HECW2: variants seen among roughly 807,000 people sequenced by gnomAD.
HECW2 encodes HECT, C2 and WW domain containing E3 ubiquitin protein ligase 2, also known as E3 ubiquitin-protein ligase HECW2.
HECW2 carries 61 observed loss-of-function variants against 175.2 expected under a neutral mutation model. The observed-to-expected ratio is 0.35, with a 90% CI of 0.28 to 0.43. The LOEUF (loss-of-function observed/expected upper bound fraction) is 0.43. HECW2 is among the 20% of genes least tolerant of loss of function. The pLI is 1.00. For synonymous variants in HECW2, 671 were observed against 731.0 expected (o/e 0.92, Z 1.32); for missense variants, 1,524 against 2,000.5 (o/e 0.76, Z 4.54).
intron 1 of HECW2, among the ~76,000 whole-genome samples, chr2:196,556,873 T>C (rs1559174285): frequency 6.6e-6 from 1 of 152,088 alleles, no homozygotes; most frequent in Non-Finnish European, 1.5e-5. Context: ...AAAAGGCAAA[T>C]TGAAAACTAT....
In HECW2 at chr2:196,343,715, A is replaced by G. The variant is rs771386239; in HGVS notation, c.342T>C (p.Thr114=). ...NFWDSKNRGV[T]GTQKGQIVWR... ...ATACAATTTGCCCTTTTTGTGTTCCAGTCACACCCCTGTTCTTAGAATCCC... is the reference window on the plus strand; with the variant it reads ...ATACAATTTGCCCTTTTTGTGTTCCGGTCACACCCCTGTTCTTAGAATCCC... The change falls in exon 3 of 29, where the codon ACT becomes ACC. Residue 114 remains threonine (T), a synonymous_variant. Coordinates refer to ENST00000644978, the MANE Select transcript of HECW2 (RefSeq NM_001348768.2). 1.2e-6 allele frequency: 2 copies of G among 1,613,968 alleles called. No individual in the cohort carries two copies. Among genetic ancestry groups the G allele is most frequent in the South Asian group, 2.2e-5 (2 of 91,074 alleles).
At chr2:196,325,201 G>A (rs760855395) in intron 5 of HECW2, 52 bp from the exon 6 acceptor site, 11 of 1,381,822 alleles carry the variant, frequency 8.0e-6, no homozygotes, top group African/African-American at 7.3e-5. Flanking sequence ...GCAGGAGGGA[G>A]GGAGGAAAGA....
At chr2:196,384,507 G>A (rs1447638176) in intron 2 of HECW2, among the ~76,000 whole-genome samples, 5 of 152,086 alleles carry the variant, frequency 3.3e-5, no homozygotes, top group South Asian at 4.2e-4. Context: ...ACTTGAGCCC[G>A]GGAGGCAGAT....
At chr2:196,572,075 G>C (rs928866347) in intron 1 of HECW2, among the ~76,000 whole-genome samples, 1 of 152,216 alleles carries the variant, frequency 6.6e-6, no homozygotes, top group Non-Finnish European at 1.5e-5. Flanking sequence ...GGTAGCAAGA[G>C]CAATCAGATT....
intron 13 of HECW2, among the ~76,000 whole-genome samples, chr2:196,299,886 G>A (rs1398748564): frequency 1.3e-5 from 2 of 151,506 alleles, no homozygotes; most frequent in Non-Finnish European, 2.9e-5. Flanking sequence ...CCGAGATGGC[G>A]CCACTGCACT....
At chr2:196,563,080 G>A (rs1167082884) in intron 1 of HECW2, among the ~76,000 whole-genome samples, 1 of 151,972 alleles carries the variant, frequency 6.6e-6, no homozygotes, top group African/African-American at 2.4e-5. Context: ...CCAGAAACCA[G>A]CCTCTTGATA....
intron 17 of HECW2, among the ~76,000 whole-genome samples, chr2:196,258,950 T>C (rs535294417): frequency 6.6e-6 from 1 of 152,184 alleles, no homozygotes; most frequent in Non-Finnish European, 1.5e-5. Flanking sequence ...TTCTACTTGA[T>C]ATTTTCACAA....
chr2:196,331,600 G>C (rs1028915803), intron 4 of HECW2, among the ~76,000 whole-genome samples: 4 of 152,132 alleles, frequency 2.6e-5, no homozygotes, highest in Non-Finnish European at 5.9e-5. Flanking sequence ...AAACCTATTT[G>C]AAAATTATAA....
Position 196,318,637 on chromosome 2 carries a change from C to A in HECW2, c.2253G>T (p.Glu751Asp). The A allele has an allele frequency of 6.3e-7, 1 of 1,597,822 alleles. No individual in the cohort carries two copies. The highest frequency in any genetic ancestry group is 2.2e-5 in the East Asian group (1 of 44,674). ...GSLEGAAAAAESPPQEEGSAG... is the reference protein window; with the variant it reads ...GSLEGAAAAADSPPQEEGSAG... ...CACTGCCTTCTTCTTGCGGTGGGCTCTCGGCAGCAGCTGCAGCTCCCTCCA... is the reference window on the plus strand; with the variant it reads ...CACTGCCTTCTTCTTGCGGTGGGCTATCGGCAGCAGCTGCAGCTCCCTCCA... The change falls in exon 9 of 29, where the codon GAG becomes GAT. Residue 751 changes from glutamate to aspartate, a missense_variant. By Grantham distance (45) the Glu-to-Asp change is conservative. Coordinates refer to ENST00000644978, the MANE Select transcript of HECW2 (RefSeq NM_001348768.2).
chr2:196,443,227 T>C (rs1436096838), intron 1 of HECW2, among the ~76,000 whole-genome samples: 1 of 152,106 alleles, frequency 6.6e-6, no homozygotes, highest in Non-Finnish European at 1.5e-5. Context: ...AAGAATTAAA[T>C]TAGTGAAAAC....
rs181684165 is a variant in HECW2, at chr2:196,406,807, T to G, written c.292+26325A>C. ...TACCTCTGATGTTGGCAATGCTTGT[T>G]CCTTCTTGTCACTCAGCCTAAACAT... On this transcript the variant is annotated intron_variant, in intron 2 of 28. Coordinates refer to ENST00000644978, the MANE Select transcript of HECW2 (RefSeq NM_001348768.2). Among the ~76,000 whole-genome samples, 3 of 152,342 alleles carry G rather than the reference T, an allele frequency of 2.0e-5. No homozygotes were observed. In the East Asian group the frequency reaches 5.8e-4, roughly 29 times the overall value.
chr2:196,503,654 G>T (rs78652762), intron 1 of HECW2, among the ~76,000 whole-genome samples: 1 of 152,042 alleles, frequency 6.6e-6, no homozygotes, highest in African/African-American at 2.4e-5. Flanking sequence ...GTGTCTCCCC[G>T]TAACAGCAGA....
At chr2:196,501,146 AC>A (rs1434284092) in intron 1 of HECW2, among the ~76,000 whole-genome samples, 6 of 152,224 alleles carry the variant, frequency 3.9e-5, no homozygotes, top group African/African-American at 1.4e-4. Context: ...TATCAGAATA[AC>A]TTTTTTAAAT....
chr2:196,533,413 C>G (rs115075225), intron 1 of HECW2, among the ~76,000 whole-genome samples: 1,890 of 152,286 alleles, frequency 0.012, 7 homozygotes, highest in Non-Finnish European at 0.018. Flanking sequence ...ACAAATGAAA[C>G]TTGCCCTTTA....
At chr2:196,542,291 C>A (rs1208028617) in intron 1 of HECW2, among the ~76,000 whole-genome samples, 4 of 148,070 alleles carry the variant, frequency 2.7e-5, no homozygotes, top group East Asian at 3.9e-4. Context: ...AAGACAAAGG[C>A]ACAAGTTTTT....
At chr2:196,383,730 G>A (rs990194573) in intron 2 of HECW2, among the ~76,000 whole-genome samples, 6 of 152,094 alleles carry the variant, frequency 3.9e-5, no homozygotes, top group Non-Finnish European at 8.8e-5. Context: ...AGGCTGAGGT[G>A]GGCTGAGGAA....
chr2:196,549,858 T>C (rs185263483), intron 1 of HECW2, among the ~76,000 whole-genome samples: 1 of 152,284 alleles, frequency 6.6e-6, no homozygotes, highest in East Asian at 1.9e-4. Context: ...TTTCAGGCAA[T>C]GCTATAATAT....
At chr2:196,478,612 A>C (rs921242162) in intron 1 of HECW2, among the ~76,000 whole-genome samples, 3 of 152,066 alleles carry the variant, frequency 2.0e-5, no homozygotes, top group Non-Finnish European at 2.9e-5. Context: ...TAATCCCCAC[A>C]AACATTTTCA....
intron 19 of HECW2, among the ~76,000 whole-genome samples, chr2:196,245,354 A>T (rs571769612): frequency 1.3e-5 from 2 of 152,226 alleles, no homozygotes; most frequent in East Asian, 1.9e-4. Context: ...TTCCTGTCCA[A>T]GTCATATTCC....
Sources: gnomAD v4.1 joint callset for allele counts (sites outside exome capture counted in the v4.1 genomes callset) on GRCh38, gnomAD v4.1.1 for gene constraint, MANE v1.5 for transcripts, NCBI Gene and HGNC (gene_info 2026-07-23, HGNC 2026-07-21) for gene names.